The following DDX10 variants were observed in gnomAD, a reference collection of about 807,000 sequenced individuals.
The protein encoded by DDX10 is DEAD-box helicase 10, also known as probable ATP-dependent RNA helicase DDX10.
In DDX10, 74 loss-of-function variants were observed where a neutral mutation model predicts 104.3. The observed-to-expected ratio is 0.71, with a 90% CI of 0.59 to 0.86. The LOEUF (loss-of-function observed/expected upper bound fraction) is 0.86. DDX10 is among the 40% of genes least tolerant of loss of function. The pLI is 0.00. For synonymous variants in DDX10, 351 were observed against 353.4 expected (o/e 0.99, Z 0.08); for missense variants, 952 against 1,040.0 (o/e 0.92, Z 1.16).
intron 13 of DDX10, among the ~76,000 whole-genome samples, chr11:108,766,434 C>G (rs933028573): frequency 6.6e-6 from 1 of 152,138 alleles, no homozygotes; most frequent in Non-Finnish European, 1.5e-5. Context: ...GCCCTGGTGT[C>G]TTTGGAGACT....
chr11:108,783,174 A>G (rs1307297483), intron 13 of DDX10, among the ~76,000 whole-genome samples: 1 of 152,172 alleles, frequency 6.6e-6, no homozygotes, highest in Non-Finnish European at 1.5e-5. Flanking sequence ...CTTCTATTAG[A>G]CTGTGAGCTT....
At chr11:108,899,154 A>G (rs1243878348) in intron 16 of DDX10, among the ~76,000 whole-genome samples, 1 of 151,958 alleles carries the variant, frequency 6.6e-6, no homozygotes, top group Non-Finnish European at 1.5e-5. Flanking sequence ...GTAGTTTCTG[A>G]TCATATAAAT....
At chr11:108,723,483 G>C in intron 13 of DDX10, 21 bp downstream of exon 13, 1 of 1,594,138 alleles carries the variant, frequency 6.3e-7, no homozygotes, top group South Asian at 1.1e-5. Flanking sequence ...TCCCAGTGGA[G>C]GGTCTTCTAT....
intron 6 of DDX10, among the ~76,000 whole-genome samples, chr11:108,680,256 C>A (rs1278225833): frequency 6.6e-6 from 1 of 152,112 alleles, no homozygotes; most frequent in Non-Finnish European, 1.5e-5. Context: ...GCTCTGTCAC[C>A]CAGGCTGGAG....
chr11:108,903,494 T>C lies in DDX10; in HGVS notation c.2305-14379T>C, dbSNP rs1215361290. Among the ~76,000 whole-genome samples the C allele has an allele frequency of 3.3e-5, 5 of 152,180 alleles. No individual in the cohort carries two copies. In the East Asian group the frequency reaches 9.6e-4, roughly 29 times the overall value. ...TGAAAAATAGTTGAAAAAAATTGCA[T>C]CTGTACTGAACATGCACAGACATTT... is the stretch of plus-strand genomic sequence containing the variant. On this transcript the variant is annotated intron_variant, in intron 16 of 17. Transcript: ENST00000322536.
chr11:108,930,237 A>G (rs1297330597), intron 17 of DDX10, among the ~76,000 whole-genome samples: 1 of 152,122 alleles, frequency 6.6e-6, no homozygotes, highest in South Asian at 2.1e-4. Context: ...GGAATGCCAT[A>G]TGGGTGGAAT....
chr11:108,708,807 A>G (rs2094280266), intron 10 of DDX10, among the ~76,000 whole-genome samples: 2 of 152,160 alleles, frequency 1.3e-5, no homozygotes, highest in Admixed American at 6.5e-5. Context: ...GCCTCAAACA[A>G]TCTGCCTGCC....
chr11:108,667,188 A>C (rs2094211223), intron 1 of DDX10, among the ~76,000 whole-genome samples: 2 of 152,216 alleles, frequency 1.3e-5, no homozygotes, highest in South Asian at 4.1e-4. Context: ...GGAACTACTC[A>C]ATTGTTCCCT....
At chr11:108,755,938 TTCTC>T (rs914600567) in intron 13 of DDX10, among the ~76,000 whole-genome samples, 16 of 150,984 alleles carry the variant, frequency 1.1e-4, no homozygotes, top group African/African-American at 2.7e-4. Context: ...GCCTTTTTCT[TTCTC>T]TCTCTCTCTC....
chr11:108,725,258 A>G (rs909536297), intron 13 of DDX10, among the ~76,000 whole-genome samples: 11 of 152,126 alleles, frequency 7.2e-5, no homozygotes, highest in African/African-American at 1.2e-4. Context: ...GATTATGACA[A>G]AAGTCATTAT....
intron 13 of DDX10, among the ~76,000 whole-genome samples, chr11:108,728,836 A>G (rs1410698195): frequency 6.6e-6 from 1 of 152,174 alleles, no homozygotes. Flanking sequence ...CCATTTTTAA[A>G]TAAGTGAGAT....
intron 13 of DDX10, among the ~76,000 whole-genome samples, chr11:108,736,591 G>T (rs1032367205): frequency 3.3e-4 from 51 of 152,242 alleles, no homozygotes; most frequent in African/African-American, 1.1e-3. Context: ...AGGTGATTAG[G>T]TCATGAGGGC....
chr11:108,703,577 C>T (rs2094271651), intron 9 of DDX10, among the ~76,000 whole-genome samples: 1 of 152,172 alleles, frequency 6.6e-6, no homozygotes, highest in Non-Finnish European at 1.5e-5. Flanking sequence ...ATCCACCTGC[C>T]TCGGCCTCCC....
intron 16 of DDX10, among the ~76,000 whole-genome samples, chr11:108,880,253 C>A (rs1863209659): frequency 6.6e-6 from 1 of 152,242 alleles, no homozygotes; most frequent in Middle Eastern, 3.4e-3. Context: ...TAGAATGATA[C>A]TGATCTGGTG....
At chr11:108,701,753 C>G (rs374507337) in intron 9 of DDX10, among the ~76,000 whole-genome samples, 1 of 123,090 alleles carries the variant, frequency 8.1e-6, no homozygotes, top group East Asian at 2.8e-4. Context: ...GTGGCGCGAT[C>G]TTGGCTCACT....
chr11:108,853,768 C>A (rs1333080178), intron 16 of DDX10, among the ~76,000 whole-genome samples: 1 of 152,164 alleles, frequency 6.6e-6, no homozygotes, highest in Non-Finnish European at 1.5e-5. Context: ...CCATTTCCCA[C>A]TCCCCTTCTG....
At chr11:108,727,608 T>TG (rs2094306890) in intron 13 of DDX10, 3 of 152,514 alleles carry the variant, frequency 2.0e-5, no homozygotes, top group Non-Finnish European at 4.4e-5. Context: ...AGTAGGGTTC[T>TG]TGATTTTATT....
chr11:108,672,037 G>C (rs577515480), intron 1 of DDX10, among the ~76,000 whole-genome samples: 46 of 147,456 alleles, frequency 3.1e-4, no homozygotes, highest in African/African-American at 1.1e-3. Flanking sequence ...CTCCAGCCTG[G>C]GCGACACAGC....
chr11:108,837,782 C>T (rs1006381700), intron 13 of DDX10, among the ~76,000 whole-genome samples: 1 of 151,760 alleles, frequency 6.6e-6, no homozygotes, highest in South Asian at 2.1e-4. Flanking sequence ...GCCACCACAC[C>T]CAGCTAATTT....
Sources: gnomAD v4.1 joint callset for allele counts (sites outside exome capture counted in the v4.1 genomes callset) on GRCh38, gnomAD v4.1.1 for gene constraint, MANE v1.5 for transcripts, NCBI Gene and HGNC (gene_info 2026-07-23, HGNC 2026-07-21) for gene names.